ELAVL2: variants seen among roughly 807,000 people sequenced by gnomAD.
The protein encoded by ELAVL2 is ELAV-like protein 2.
Under a neutral mutation model 34.6 loss-of-function variants are expected in ELAVL2, and 4 were observed. The observed-to-expected ratio is 0.12, with a 90% CI of 0.06 to 0.26. The LOEUF (loss-of-function observed/expected upper bound fraction) is 0.26, where lower values mean the gene tolerates loss of function less well. Among genes scored for constraint, ELAVL2 ranks in the 10% least tolerant of loss-of-function variants. The pLI is 1.00. For synonymous variants in ELAVL2, 193 were observed against 154.8 expected (o/e 1.25, Z -1.83); for missense variants, 432 against 442.8 (o/e 0.98, Z 0.22).
the ELAVL2 span, among the ~76,000 whole-genome samples, chr9:23,839,866 T>C: frequency 2.0e-5 from 3 of 152,166 alleles, no homozygotes; most frequent in Non-Finnish European, 2.9e-5. Context: ...ATGAATATAG[T>C]GGCTCTCTTT....
In ELAVL2 at chr9:23,775,873, A is replaced by C. The variant is rs1413241164; in HGVS notation, c.-15-13624T>G. ...GGAAACATCCTCAGCACCGGAAGAG[A>C]GCAGACAAACCTCGAGGAAGCCTTC... On this transcript the variant is annotated intron_variant, in intron 1 of 6. Transcript: ENST00000397312. 2.0e-5 allele frequency among the ~76,000 whole-genome samples: 3 copies of C among 152,168 alleles called. No individual in the cohort carries two copies. In the South Asian group the frequency reaches 6.2e-4, roughly 32 times the overall value.
At chr9:23,791,556 CAGGA>C (rs2060323555) in intron 1 of ELAVL2, among the ~76,000 whole-genome samples, 1 of 152,066 alleles carries the variant, frequency 6.6e-6, no homozygotes, top group South Asian at 2.1e-4. Context: ...TTAATTATTT[CAGGA>C]AATAAGGCTA....
chr9:23,702,733 A>G (rs1322871579), intron 4 of ELAVL2, among the ~76,000 whole-genome samples: 2 of 152,012 alleles, frequency 1.3e-5, no homozygotes, highest in Non-Finnish European at 2.9e-5. Context: ...CTATTTAAAG[A>G]GCATGCATTG....
intron 1 of ELAVL2, among the ~76,000 whole-genome samples, chr9:23,782,009 C>A (rs927963221): frequency 6.6e-6 from 1 of 151,742 alleles, no homozygotes; most frequent in African/African-American, 2.4e-5. Flanking sequence ...TTTGTGGAGA[C>A]GAGGTTTTGC....
At chr9:23,703,015 TG>T (rs2038002747) in intron 4 of ELAVL2, among the ~76,000 whole-genome samples, 1 of 123,422 alleles carries the variant, frequency 8.1e-6, no homozygotes, top group East Asian at 2.9e-4. Flanking sequence ...CCTAAATCGG[TG>T]GTCCTCCTAC....
intron 3 of ELAVL2, among the ~76,000 whole-genome samples, chr9:23,707,327 C>A (rs1043197093): frequency 6.6e-6 from 1 of 152,156 alleles, no homozygotes; most frequent in Non-Finnish European, 1.5e-5. Context: ...TCTCAATTAT[C>A]CAGAAAAGGT....
At chr9:23,747,997 G>A (rs937382472) in intron 2 of ELAVL2, among the ~76,000 whole-genome samples, 41 of 152,218 alleles carry the variant, frequency 2.7e-4, no homozygotes, top group African/African-American at 9.1e-4. Context: ...CAAACCACCT[G>A]CCTCTCTAGC....
chr9:23,716,424 T>C (rs544510330), intron 3 of ELAVL2, among the ~76,000 whole-genome samples: 6 of 152,292 alleles, frequency 3.9e-5, no homozygotes, highest in African/African-American at 1.4e-4. Flanking sequence ...TAGTGACACC[T>C]ACCAACAAGT....
Position 23,694,145 on chromosome 9 carries a change from A to G in ELAVL2, c.714-659T>C, listed in dbSNP as rs370978150. ...AAAATCCATCACTCCAGTGTGCAAC[A>G]AAGCCAAGAGTTCAGATCCTGATCT... On this transcript the variant is annotated intron_variant, in intron 5 of 6. Coordinates refer to ENST00000397312, the MANE Select transcript of ELAVL2 (RefSeq NM_004432.5). Among the ~76,000 whole-genome samples the G allele has an allele frequency of 2.6e-5, 4 of 152,184 alleles. No homozygotes were observed. In the East Asian group the frequency reaches 5.8e-4, roughly 22 times the overall value.
the ELAVL2 span, among the ~76,000 whole-genome samples, chr9:23,837,290 A>T: frequency 1.1e-4 from 16 of 152,292 alleles, no homozygotes; most frequent in East Asian, 2.1e-3. Flanking sequence ...CTTTAAAAAC[A>T]CTGCTGGGAA....
chr9:23,811,810 A>T (rs2063043193), intron 1 of ELAVL2, among the ~76,000 whole-genome samples: 1 of 152,116 alleles, frequency 6.6e-6, no homozygotes, highest in Non-Finnish European at 1.5e-5. Flanking sequence ...CCACACCCTC[A>T]AACTTGAGTA....
chr9:23,782,754 T>G (rs991523528), intron 1 of ELAVL2, among the ~76,000 whole-genome samples: 1 of 152,216 alleles, frequency 6.6e-6, no homozygotes, highest in Non-Finnish European at 1.5e-5. Flanking sequence ...ATTCTGCCAA[T>G]GAGGCGATTC....
intron 2 of ELAVL2, among the ~76,000 whole-genome samples, chr9:23,750,782 C>T (rs1406435369): frequency 6.6e-6 from 1 of 152,118 alleles, no homozygotes; most frequent in African/African-American, 2.4e-5. Flanking sequence ...ATGAAAAAAG[C>T]TCCCATGGCT....
At chr9:23,826,438 G>T (rs1358649414), upstream of ELAVL2, 2 of 152,324 alleles carry the variant, frequency 1.3e-5, no homozygotes, top group Non-Finnish European at 2.9e-5. Flanking sequence ...TTCCATTGAG[G>T]CCGCCCAGGC....
chr9:23,779,884 T>G (rs576215596), intron 1 of ELAVL2, among the ~76,000 whole-genome samples: 2 of 151,724 alleles, frequency 1.3e-5, no homozygotes, highest in Admixed American at 1.3e-4. Flanking sequence ...CATTAAATTA[T>G]TCCTTATCAA....
chr9:23,724,378 C>T (rs528146314), intron 3 of ELAVL2, among the ~76,000 whole-genome samples: 1 of 152,196 alleles, frequency 6.6e-6, no homozygotes, highest in Admixed American at 6.5e-5. Context: ...TTGAGAATTC[C>T]AATTAACTCT....
chr9:23,779,468 GGGCTTCCTTCT>G (rs2058737539), intron 1 of ELAVL2: 1 of 951,436 alleles, frequency 1.1e-6, no homozygotes, highest in Admixed American at 6.2e-5. Context: ...GTGGGTGGGC[GGGCTTCCTTCT>G]GGCTTCCTTA....
rs112958669 is a variant in ELAVL2, at chr9:23,769,362, C to A, written c.-15-7113G>T. Among the ~76,000 whole-genome samples, 270 of 152,180 alleles carry A rather than the reference C, an allele frequency of 1.8e-3. 2 individuals carry two copies. Among genetic ancestry groups the A allele is most frequent in the African/African-American group, 6.3e-3 (263 of 41,520 alleles). ...TAGGCAGTCAAAGGGATCATCTGCC[C>A]GACACACACCATTCCTATAGCAAAT... On this transcript the variant is annotated intron_variant, in intron 1 of 6. Coordinates refer to ENST00000397312, the MANE Select transcript of ELAVL2 (RefSeq NM_004432.5).
At chr9:23,766,282 T>C (rs753773225) in intron 1 of ELAVL2, among the ~76,000 whole-genome samples, 1 of 152,148 alleles carries the variant, frequency 6.6e-6, no homozygotes, top group Non-Finnish European at 1.5e-5. Context: ...GAGATTTTGG[T>C]CTGACCCTAT....
Sources: gnomAD v4.1 joint callset for allele counts (sites outside exome capture counted in the v4.1 genomes callset) on GRCh38, gnomAD v4.1.1 for gene constraint, MANE v1.5 for transcripts, NCBI Gene and HGNC (gene_info 2026-07-23, HGNC 2026-07-21) for gene names.